The following CTNND2 variants were observed in gnomAD, a reference collection of about 807,000 sequenced individuals.
CTNND2 encodes the protein catenin delta 2.
A neutral mutation model predicts 144.4 loss-of-function variants in CTNND2; 22 were observed. The observed-to-expected ratio is 0.15, with a 90% CI of 0.11 to 0.22. The LOEUF (loss-of-function observed/expected upper bound fraction) is 0.22. CTNND2 is among the 10% of genes least tolerant of loss of function. The probability of loss-of-function intolerance (pLI) is 1.00; values close to 1 mark genes in which losing one functional copy is unlikely to be tolerated. For synonymous variants in CTNND2, 751 were observed against 695.6 expected, an observed-to-expected ratio of 1.08 and a Z score of -1.25; for missense variants, 1,353 against 1,618.8, an observed-to-expected ratio of 0.84 and a Z score of 2.82.
intron 1 of CTNND2, among the ~76,000 whole-genome samples, chr5:11,807,196 C>G (rs1415796873): frequency 6.6e-6 from 1 of 152,130 alleles, no homozygotes; most frequent in Non-Finnish European, 1.5e-5. Flanking sequence ...CTTAATTCCT[C>G]TGGTACTGCT....
At chr5:11,172,176 G>C (rs1415982205) in intron 11 of CTNND2, among the ~76,000 whole-genome samples, 3 of 152,070 alleles carry the variant, frequency 2.0e-5, no homozygotes, top group Non-Finnish European at 4.4e-5. Flanking sequence ...ATCTGGGGTG[G>C]GTCCTGCTAC....
chr5:11,128,896 TAC>T lies in CTNND2; in HGVS notation c.2160-11331_2160-11330del, dbSNP rs1255359355. Among the ~76,000 whole-genome samples, 4 of 47,412 alleles carry T rather than the reference TAC, an allele frequency of 8.4e-5. 1 individual carries two copies. The highest frequency in any genetic ancestry group is 1.8e-4 in the Non-Finnish European group (4 of 22,668). The allele number at this position is 47,412 out of a possible 152,430, so 31.1% of individuals were successfully genotyped here. A position where few individuals can be genotyped will look rare whatever the true frequency, so the allele number is the denominator to read the frequency against. ...AAATATATAATACATAAATATATAT[TAC>T]ATATATAAATATATATAATATATAA... On this transcript the variant is annotated intron_variant, in intron 12 of 21. Transcript: ENST00000304623.
At chr5:11,220,894 T>C (rs991527391) in intron 10 of CTNND2, among the ~76,000 whole-genome samples, 1 of 152,200 alleles carries the variant, frequency 6.6e-6, no homozygotes, top group African/African-American at 2.4e-5. Context: ...AGAGCCTGTA[T>C]AGATCCACAG....
At chr5:11,705,685 T>TC (rs2126679605) in intron 2 of CTNND2, among the ~76,000 whole-genome samples, 1 of 152,336 alleles carries the variant, frequency 6.6e-6, no homozygotes, top group Admixed American at 6.5e-5. Context: ...GGAAGTGGTA[T>TC]AATGCTGTCA....
At chr5:11,676,453 G>A (rs1581705754) in intron 2 of CTNND2, among the ~76,000 whole-genome samples, 1 of 152,082 alleles carries the variant, frequency 6.6e-6, no homozygotes, top group Non-Finnish European at 1.5e-5. Context: ...TGGGGTGAAA[G>A]TCCGTGAGTT....
intron 3 of CTNND2, among the ~76,000 whole-genome samples, chr5:11,426,592 C>T (rs1338332151): frequency 1.3e-5 from 2 of 152,166 alleles, no homozygotes; most frequent in South Asian, 2.1e-4. Context: ...CTGATGGACT[C>T]ATGATGTGTT....
chr5:11,676,598 T>TAA (rs747511362), intron 2 of CTNND2, among the ~76,000 whole-genome samples: 17 of 135,888 alleles, frequency 1.3e-4, no homozygotes, highest in Non-Finnish European at 2.1e-4. Context: ...CGTAAAAAGT[T>TAA]AAAAAAAAAA....
chr5:11,043,304 T>C (rs757416599), intron 16 of CTNND2, among the ~76,000 whole-genome samples: 9 of 152,224 alleles, frequency 5.9e-5, no homozygotes, highest in Non-Finnish European at 1.2e-4. Flanking sequence ...ATATTGACTG[T>C]ATGTTTGTTA....
intron 2 of CTNND2, among the ~76,000 whole-genome samples, chr5:11,568,812 T>G (rs1359482637): frequency 6.6e-6 from 1 of 152,176 alleles, no homozygotes; most frequent in African/African-American, 2.4e-5. Flanking sequence ...TTGGAAAATT[T>G]GAGATGAAAC....
chr5:11,634,248 A>C (rs2059854), intron 2 of CTNND2, among the ~76,000 whole-genome samples: 47,445 of 151,956 alleles, frequency 0.31, 8,561 homozygotes, highest in African/African-American at 0.51. Flanking sequence ...CTTTTTCAGC[A>C]CCCAGGGAAC....
intron 11 of CTNND2, among the ~76,000 whole-genome samples, chr5:11,197,463 G>T (rs114795820): frequency 0.012 from 1,847 of 152,278 alleles, 23 homozygotes; most frequent in South Asian, 0.056. Context: ...ATGACAGTGG[G>T]TGCAAACCTC....
chr5:11,693,608 A>G (rs1785005833), intron 2 of CTNND2, among the ~76,000 whole-genome samples: 1 of 152,252 alleles, frequency 6.6e-6, no homozygotes, highest in South Asian at 2.1e-4. Flanking sequence ...TGGAATCTCA[A>G]TGAGGACAGG....
intron 7 of CTNND2, among the ~76,000 whole-genome samples, chr5:11,376,608 G>A (rs981633527): frequency 5.3e-5 from 8 of 152,130 alleles, no homozygotes; most frequent in Admixed American, 4.6e-4. Context: ...CAGAATGAGT[G>A]GGGGGTTGGG....
chr5:11,583,252 C>T (rs1778577425), intron 2 of CTNND2, among the ~76,000 whole-genome samples: 1 of 152,212 alleles, frequency 6.6e-6, no homozygotes, highest in South Asian at 2.1e-4. Context: ...GAGCTCCATG[C>T]TGATCAGTGG....
intron 3 of CTNND2, among the ~76,000 whole-genome samples, chr5:11,416,742 T>C (rs1045521481): frequency 1.3e-5 from 2 of 152,210 alleles, no homozygotes; most frequent in African/African-American, 4.8e-5. Flanking sequence ...AATAGAAACG[T>C]CATTTTTGAA....
intron 6 of CTNND2, among the ~76,000 whole-genome samples, chr5:11,389,849 G>A (rs1759474686): frequency 6.9e-6 from 1 of 145,324 alleles, no homozygotes; most frequent in Non-Finnish European, 1.6e-5. Context: ...CTTTCTGATG[G>A]TATAATGTAC....
Position 11,618,073 on chromosome 5 carries a change from C to T in CTNND2, c.175-53017G>A, listed in dbSNP as rs1780662115. 2.6e-5 allele frequency among the ~76,000 whole-genome samples: 4 copies of T among 152,142 alleles called. No homozygotes were observed. The South Asian group carries it at 8.3e-4, about 32-fold the overall frequency. The stretch of plus-strand genomic sequence containing the variant: ...CCTTCATCATTCTCTGCCTCCTCTA[C>T]CTAACCCTATCAGGCTTTTTTTTTT... On this transcript the variant is annotated intron_variant, in intron 2 of 21. Transcript: ENST00000304623.
Position 11,674,450 on chromosome 5 carries a change from G to A in CTNND2, c.174+57686C>T, listed in dbSNP as rs377109464. ...TACTTCCTACCCCCACACATGTATA[G>A]CCTCCCTCATTATCAACATCCCCCA... On this transcript the variant is annotated intron_variant, in intron 2 of 21. Coordinates refer to ENST00000304623, the MANE Select transcript of CTNND2 (RefSeq NM_001332.4). Among the ~76,000 whole-genome samples the A allele has an allele frequency of 2.0e-4, 30 of 152,220 alleles. No individual in the cohort carries two copies. In the East Asian group the frequency reaches 4.1e-3, roughly 21 times the overall value.
intron 13 of CTNND2, among the ~76,000 whole-genome samples, chr5:11,112,584 T>C (rs913068861): frequency 4.6e-5 from 7 of 152,012 alleles, no homozygotes; most frequent in Admixed American, 6.5e-5. Context: ...TTTGTGGTCA[T>C]TGGTTATGAC....
Sources: allele counts gnomAD v4.1 joint callset (sites outside exome capture counted in the v4.1 genomes callset), GRCh38; gene constraint gnomAD v4.1.1; transcripts MANE v1.5; gene names NCBI Gene and HGNC (gene_info 2026-07-23, HGNC 2026-07-21).